ABLIM3: variants seen among roughly 807,000 people sequenced by gnomAD.
ABLIM3 encodes the protein actin-binding LIM protein 3.
A neutral mutation model predicts 109.5 loss-of-function variants in ABLIM3; 61 were observed. That is an observed-to-expected ratio of 0.56 (90% CI 0.45 to 0.69). The LOEUF (loss-of-function observed/expected upper bound fraction) is 0.69, where lower values mean the gene tolerates loss of function less well. ABLIM3 is among the 30% of genes least tolerant of loss of function. The pLI is 0.00. For synonymous variants in ABLIM3, 300 were observed against 324.8 expected, an observed-to-expected ratio of 0.92 and a Z score of 0.82; for missense variants, 796 against 889.5, an observed-to-expected ratio of 0.89 and a Z score of 1.34.
Position 149,198,810 on chromosome 5 carries a change from A to G in ABLIM3, c.335+408A>G, listed in dbSNP as rs1197444172. ...TGTCTGTACATAGCCTTCCTCCATC[A>G]TCCTGGCACCACCTCATGCTGTTGG... is the stretch of plus-strand genomic sequence containing the variant. On this transcript the variant is annotated intron_variant, in intron 4 of 23. Coordinates refer to ENST00000309868, the MANE Select transcript of ABLIM3 (RefSeq NM_014945.5). This position sits in a 1 kb window ranked among gnomAD's most constrained non-coding sequence, Gnocchi z 4.2. Among the ~76,000 whole-genome samples the G allele has an allele frequency of 6.6e-6, 1 of 152,162 alleles. No homozygotes were observed. Among genetic ancestry groups the G allele is most frequent in the African/African-American group, 2.4e-5 (1 of 41,442 alleles).
At chr5:149,159,643 T>C (rs778318087) in intron 2 of ABLIM3, among the ~76,000 whole-genome samples, 2 of 152,216 alleles carry the variant, frequency 1.3e-5, no homozygotes, top group Non-Finnish European at 2.9e-5. Context: ...CTGCTAACTC[T>C]GTGACCTCTG....
intron 5 of ABLIM3, among the ~76,000 whole-genome samples, chr5:149,203,140 A>G (rs1387697085): frequency 6.6e-6 from 1 of 151,790 alleles, no homozygotes; most frequent in African/African-American, 2.4e-5. Flanking sequence ...CATCACCAAC[A>G]TTATCATTAT....
intron 13 of ABLIM3, 58 bp downstream of exon 13, chr5:149,239,946 T>C (rs1752635599): frequency 1.3e-6 from 2 of 1,545,800 alleles, no homozygotes; most frequent in Middle Eastern, 3.5e-4. Context: ...ATGCAGTCAC[T>C]TGGGGTCCCT....
intron 23 of ABLIM3, among the ~76,000 whole-genome samples, chr5:149,257,699 G>A (rs1013362788): frequency 6.6e-6 from 1 of 152,136 alleles, no homozygotes; most frequent in Non-Finnish European, 1.5e-5. Context: ...AGAAAGAGGG[G>A]AAAATCCACT....
chr5:149,159,551 A>T (rs1460505044), intron 2 of ABLIM3, among the ~76,000 whole-genome samples: 1 of 152,174 alleles, frequency 6.6e-6, no homozygotes, highest in Non-Finnish European at 1.5e-5. Flanking sequence ...TATCCCCTTA[A>T]ACAGAGTATG....
intron 2 of ABLIM3, among the ~76,000 whole-genome samples, chr5:149,165,275 A>C (rs981358333): frequency 1.3e-5 from 2 of 152,228 alleles, no homozygotes; most frequent in Admixed American, 1.3e-4. Context: ...ATGATTCTGT[A>C]GCAAGAGTGG....
chr5:149,252,538 A>T lies in ABLIM3; in HGVS notation c.1858-219A>T, dbSNP rs1271259582. The T allele has an allele frequency of 1.8e-5, 10 of 559,706 alleles. No individual in the cohort carries two copies. The East Asian group carries it at 2.9e-4, about 16-fold the overall frequency. The allele number at this position is 559,706 out of a possible 1,614,324, so 34.7% of individuals were successfully genotyped here. A position where few individuals can be genotyped will look rare whatever the true frequency, so the allele number is the denominator to read the frequency against. On this transcript the variant is annotated intron_variant, in intron 22 of 23. Transcript: ENST00000309868. ...GCACATGGCAAATACCTCCAAGCTT[A>T]TTCCTAGTAGTATTAGGGGACTCTC...
intron 5 of ABLIM3, among the ~76,000 whole-genome samples, chr5:149,206,593 C>T (rs1047497697): frequency 1.3e-4 from 20 of 152,252 alleles, no homozygotes; most frequent in African/African-American, 3.9e-4. Flanking sequence ...TTACTCTGCA[C>T]GGAGGTCTTG....
chr5:149,251,255 C>T, intron 20 of ABLIM3, 104 bp from the exon 21 acceptor site: 1 of 1,293,288 alleles, frequency 7.7e-7, no homozygotes, highest in Non-Finnish European at 1.1e-6. Context: ...TGAGAAGGCC[C>T]TATGTCCCAC....
At chr5:149,149,068 T>G (rs1302499388) in intron 2 of ABLIM3, among the ~76,000 whole-genome samples, 1 of 152,230 alleles carries the variant, frequency 6.6e-6, no homozygotes, top group East Asian at 1.9e-4. Context: ...TTTGTTCTGT[T>G]GAAGAGAGTA....
intron 22 of ABLIM3, 116 bp from the exon 23 acceptor site, chr5:149,252,641 A>G (rs1754042637): frequency 2.5e-6 from 2 of 791,996 alleles, no homozygotes; most frequent in Non-Finnish European, 4.2e-6. Flanking sequence ...CTCTTCCTCC[A>G]GACTTAATTT....
chr5:149,237,606 A>G lies in ABLIM3; in HGVS notation c.1044+3A>G. 6.2e-7 allele frequency: 1 copy of G among 1,614,070 alleles called. No homozygotes were observed. Among genetic ancestry groups the G allele is most frequent in the Non-Finnish European group, 8.5e-7 (1 of 1,180,008 alleles). Reference sequence around the variant, plus strand: ...TGGAGAGATGTGGCTATGGAGAGGTATCGCATCTTGCCCTTCTCTCTGGGG... The same window carrying G: ...TGGAGAGATGTGGCTATGGAGAGGTGTCGCATCTTGCCCTTCTCTCTGGGG... On this transcript the variant is annotated splice_donor_region_variant and intron_variant, in intron 11 of 23. Coordinates refer to ENST00000309868, the MANE Select transcript of ABLIM3 (RefSeq NM_014945.5).
At chr5:149,231,582 A>G (rs1761864401) in intron 9 of ABLIM3, among the ~76,000 whole-genome samples, 1 of 152,208 alleles carries the variant, frequency 6.6e-6, no homozygotes, top group Admixed American at 6.5e-5. Context: ...TCATCCACTT[A>G]ATGAAAGTTT....
At chr5:149,179,021 A>T (rs1174501215) in intron 2 of ABLIM3, among the ~76,000 whole-genome samples, 1 of 152,212 alleles carries the variant, frequency 6.6e-6, no homozygotes. Flanking sequence ...AGGAAAAGTC[A>T]GGTGGAGAAA....
In ABLIM3 at chr5:149,217,056, T is replaced by G; in HGVS notation, c.757+10T>G. ...GAAATGTACCTCACAGGTAAGTAAA[T>G]CTGACCCTCTGTAAGGCCTTCCGAC... On this transcript the variant is annotated intron_variant, in intron 8 of 23. Transcript: ENST00000309868. The G allele has an allele frequency of 6.2e-7, 1 of 1,613,526 alleles. No homozygotes were observed. Among genetic ancestry groups the G allele is most frequent in the Middle Eastern group, 1.7e-4 (1 of 6,060 alleles).
At chr5:149,170,258 C>CTCTCTCTCTCTCCT (rs879327813) in intron 2 of ABLIM3, among the ~76,000 whole-genome samples, 4 of 151,394 alleles carry the variant, frequency 2.6e-5, no homozygotes, top group South Asian at 2.1e-4. Context: ...CTCTCTCTCT[C>CTCTCTCTCTCTCCT]TCTCTCCTTC....
intron 2 of ABLIM3, among the ~76,000 whole-genome samples, chr5:149,166,946 G>T (rs1215453999): frequency 6.6e-6 from 1 of 152,180 alleles, no homozygotes; most frequent in African/African-American, 2.4e-5. Context: ...GCTTATTCTT[G>T]CTGTGGAGCC....
chr5:149,238,358 C>T (rs969300044), intron 11 of ABLIM3, among the ~76,000 whole-genome samples: 1 of 152,132 alleles, frequency 6.6e-6, no homozygotes, highest in African/African-American at 2.4e-5. Context: ...CCAGCTCCAC[C>T]ATAACTAGCC....
chr5:149,249,938 A>C, intron 19 of ABLIM3, 94 bp downstream of exon 19: 1 of 1,435,888 alleles, frequency 7.0e-7, no homozygotes, highest in Non-Finnish European at 9.8e-7. Context: ...TGACCATACA[A>C]TGTGGATGTC....
Sources: gnomAD v4.1 joint callset for allele counts (sites outside exome capture counted in the v4.1 genomes callset) on GRCh38, gnomAD v4.1.1 for gene constraint, Gnocchi (gnomAD v3.1) non-coding constraint, MANE v1.5 for transcripts, NCBI Gene and HGNC (gene_info 2026-07-23, HGNC 2026-07-21) for gene names.